Variants in FBN1 observed in about 807,000 individuals in gnomAD.
FBN1 encodes fibrillin-1.
FBN1 carries 29 observed loss-of-function variants against 365.1 expected under a neutral mutation model. The ratio of observed to expected loss-of-function variants is 0.08; its 90% CI spans 0.06 to 0.11. FBN1 has a LOEUF of 0.11. FBN1 is among the 10% of genes least tolerant of loss of function. FBN1 has a pLI of 1.00. For missense variants in FBN1, 2,476 were observed against 3,703.2 expected, an observed-to-expected ratio of 0.67 and a Z score of 8.60; for synonymous variants, 1,210 against 1,270.5, an observed-to-expected ratio of 0.95 and a Z score of 1.01.
intron 13 of FBN1, 107 bp from the exon 14 acceptor site, chr15:48,510,276 T>A: frequency 9.7e-7 from 1 of 1,027,740 alleles, no homozygotes; most frequent in Non-Finnish European, 1.5e-6. Context: ...CTTTTGGTTT[T>A]AATTACTTAA....
intron 10 of FBN1, among the ~76,000 whole-genome samples, chr15:48,519,519 T>G (rs746011311): frequency 4.6e-5 from 7 of 152,220 alleles, no homozygotes; most frequent in Admixed American, 6.5e-5. Flanking sequence ...ATAGTGATAG[T>G]ACCAGCCAGA....
intron 42 of FBN1, among the ~76,000 whole-genome samples, chr15:48,462,462 A>G (rs1412385815): frequency 6.6e-6 from 1 of 151,972 alleles, no homozygotes; most frequent in Non-Finnish European, 1.5e-5. Context: ...TTTCATTTTG[A>G]GTTTTCTTTA....
chr15:48,456,846 G>A, intron 43 of FBN1, 84 bp from the exon 44 acceptor site: 1 of 965,916 alleles, frequency 1.0e-6, no homozygotes, highest in Non-Finnish European at 1.6e-6. Flanking sequence ...GTGCGTGCGT[G>A]TGTGTGTGTG....
chr15:48,501,563 T>C (rs997565334), intron 17 of FBN1, among the ~76,000 whole-genome samples: 1 of 152,258 alleles, frequency 6.6e-6, no homozygotes, highest in East Asian at 1.9e-4. Flanking sequence ...TAAAGAAATC[T>C]GGTCTTTTGG....
intron 6 of FBN1, among the ~76,000 whole-genome samples, chr15:48,567,531 T>A (rs1303323376): frequency 6.6e-6 from 1 of 152,022 alleles, no homozygotes; most frequent in Non-Finnish European, 1.5e-5. Flanking sequence ...CAGACCAATA[T>A]TCCCAATGAA....
At chr15:48,482,987 G>C (rs955731196) in intron 31 of FBN1, among the ~76,000 whole-genome samples, 3 of 152,336 alleles carry the variant, frequency 2.0e-5, no homozygotes, top group South Asian at 2.1e-4. Context: ...AGGGATCCAT[G>C]TGTTTCCAAG....
At chr15:48,528,945 A>G (rs1225774770) in intron 8 of FBN1, 1 of 152,184 alleles carries the variant, frequency 6.6e-6, no homozygotes, top group Admixed American at 6.5e-5. Flanking sequence ...AGGCCAGAAT[A>G]AGGTGTTTGA....
At chr15:48,570,843 G>A (rs914153838) in intron 6 of FBN1, among the ~76,000 whole-genome samples, 1 of 152,192 alleles carries the variant, frequency 6.6e-6, no homozygotes, top group Non-Finnish European at 1.5e-5. Flanking sequence ...GCATCTGCTG[G>A]CCAGGCTGCA....
chr15:48,581,319 G>A (rs1482336711), intron 6 of FBN1, among the ~76,000 whole-genome samples: 1 of 152,126 alleles, frequency 6.6e-6, no homozygotes, highest in Non-Finnish European at 1.5e-5. Context: ...GGTCATAAAA[G>A]AAAACCAATT....
chr15:48,465,491 C>T, intron 40 of FBN1, 77 bp downstream of exon 40: 3 of 1,541,602 alleles, frequency 1.9e-6, no homozygotes, highest in Non-Finnish European at 2.7e-6. Context: ...ATTCTATTTT[C>T]CTAGTAACCA....
chr15:48,450,129 A>G (rs1378527168), intron 45 of FBN1, among the ~76,000 whole-genome samples: 1 of 152,222 alleles, frequency 6.6e-6, no homozygotes, highest in Non-Finnish European at 1.5e-5. Context: ...ATGAATTTAA[A>G]GTGAGCCAAC....
intron 2 of FBN1, among the ~76,000 whole-genome samples, chr15:48,616,066 C>G (rs564200331): frequency 2.6e-5 from 4 of 152,186 alleles, no homozygotes; most frequent in Non-Finnish European, 4.4e-5. Context: ...GAAGTATGAA[C>G]GTCTTATCTT....
intron 59 of FBN1, 24 bp from the exon 60 acceptor site, chr15:48,425,515 G>C (rs890568312): frequency 1.2e-6 from 2 of 1,613,734 alleles, no homozygotes; most frequent in African/African-American, 2.7e-5. Context: ...AATACAGCGT[G>C]ACTGTGCATC....
chr15:48,419,347 G>A (rs1484643337), intron 63 of FBN1, among the ~76,000 whole-genome samples: 6 of 152,084 alleles, frequency 3.9e-5, no homozygotes, highest in Non-Finnish European at 5.9e-5. Context: ...GTACAGGAGC[G>A]ACATACCTTT....
At chr15:48,510,258 G>A in intron 13 of FBN1, 89 bp from the exon 14 acceptor site, 1 of 1,352,152 alleles carries the variant, frequency 7.4e-7, no homozygotes, top group Non-Finnish European at 1.0e-6. Context: ...GCAAACTCAT[G>A]ATCTTGGCTT....
chr15:48,627,703 C>T (rs192204847), intron 2 of FBN1, among the ~76,000 whole-genome samples: 95 of 152,334 alleles, frequency 6.2e-4, no homozygotes, highest in Admixed American at 6.1e-3. Context: ...TTGTCCATTA[C>T]ACAGAGAAAG....
chr15:48,509,057 T>A (rs1566914995), intron 14 of FBN1, among the ~76,000 whole-genome samples: 1 of 152,204 alleles, frequency 6.6e-6, no homozygotes. Flanking sequence ...ATTTCACAGA[T>A]TCATATTACT....
At chr15:48,558,131 G>A (rs2044196072) in intron 6 of FBN1, among the ~76,000 whole-genome samples, 1 of 152,242 alleles carries the variant, frequency 6.6e-6, no homozygotes, top group African/African-American at 2.4e-5. Context: ...AGGTCTCCTT[G>A]TTCCATATAA....
chr15:48,583,861 A>G (rs1202759625), intron 6 of FBN1, among the ~76,000 whole-genome samples: 2 of 152,228 alleles, frequency 1.3e-5, no homozygotes, highest in Non-Finnish European at 2.9e-5. Flanking sequence ...TGTGTACTAA[A>G]GAAAAGCACA....
Sources: gnomAD v4.1 joint callset for allele counts (sites outside exome capture counted in the v4.1 genomes callset) on GRCh38, gnomAD v4.1.1 for gene constraint, MANE v1.5 for transcripts, NCBI Gene and HGNC (gene_info 2026-07-23, HGNC 2026-07-21) for gene names.